Variants in CD59 observed in about 807,000 individuals in gnomAD.
The protein encoded by CD59 is CD59 glycoprotein.
A neutral mutation model predicts 7.0 loss-of-function variants in CD59; 3 were observed. That is an observed-to-expected ratio of 0.43 (90% CI 0.19 to 1.10). The LOEUF (loss-of-function observed/expected upper bound fraction) is 1.10, where lower values mean the gene tolerates loss of function less well. Among genes scored for constraint, CD59 ranks in the 50% least tolerant of loss-of-function variants. The pLI is 0.29. For synonymous variants in CD59, 60 were observed against 62.0 expected (o/e 0.97, Z 0.15); for missense variants, 143 against 151.0 (o/e 0.95, Z 0.28).
At position 33,717,417 on chromosome 11, in the gene CD59, G is replaced by A; in HGVS notation, c.122C>T (p.Ala41Val). 1 of 1,613,630 alleles carries A rather than the reference G, an allele frequency of 6.2e-7. No homozygotes were observed. Among genetic ancestry groups the A allele is most frequent in the East Asian group, 2.2e-5 (1 of 44,872 alleles). The change falls in exon 3 of 4, where the codon GCC becomes GTC. Residue 41 changes from alanine (A) to valine (V), a missense_variant. Ala to Val is a moderately conservative substitution (Grantham distance 64). Transcript: ENST00000642928. ...CPNPTADCKT[A>V]VNCSSDFDAC... Reference sequence around the variant, plus strand: ...ATCAAAATCAGATGAACAATTGACGGCTGTTTTGCAGTCAGCAGTTGGGTT... The same window carrying A: ...ATCAAAATCAGATGAACAATTGACGACTGTTTTGCAGTCAGCAGTTGGGTT...
intron 2 of CD59, 61 bp from the exon 3 acceptor site, chr11:33,717,532 C>T (rs1395044258): frequency 2.0e-5 from 21 of 1,039,690 alleles, no homozygotes; most frequent in Non-Finnish European, 3.0e-5. Flanking sequence ...CCTGGCAGCC[C>T]ACCATCTCCA....
chr11:33,732,193 C>T (rs61887474), intron 1 of CD59, among the ~76,000 whole-genome samples: 17,742 of 151,936 alleles, frequency 0.12, 1,387 homozygotes, highest in Non-Finnish European at 0.16. Context: ...TCTTTATCAG[C>T]AGCATGAAAA....
chr11:33,735,466 G>A (rs1854538547), intron 1 of CD59, among the ~76,000 whole-genome samples: 1 of 152,078 alleles, frequency 6.6e-6, no homozygotes, highest in Non-Finnish European at 1.5e-5. Flanking sequence ...GCGGAGTCTC[G>A]CTCTTATTGC....
rs892657068 is a variant in CD59 at position 33,710,458 on chromosome 11, G to A, written c.170-115C>T. 1.0e-4 allele frequency: 82 copies of A among 811,360 alleles called. 1 individual carries two copies. The highest frequency in any genetic ancestry group is 7.9e-4 in the Middle Eastern group (3 of 3,814). The allele number at this position is 811,360 out of a possible 1,614,324, so 50.3% of individuals were successfully genotyped here. A position where few individuals can be genotyped will look rare whatever the true frequency, so the allele number is the denominator to read the frequency against. On this transcript the variant is annotated intron_variant, in intron 3 of 3. Transcript: ENST00000642928. ...TGTGCAAGTAGAGACTTCTAGGCAA[G>A]ATGCTCATCCCAGGTGGGTTGTAAA...
At position 33,709,090 on chromosome 11, in the gene CD59, C is replaced by A. The variant is rs1251450669; in HGVS notation, c.*1036G>T. ...CATTTTTTAGAAGAGCTTCTGAAAGCCTCAAACATCTGTGAGTGTGCTAAG... is the reference window on the plus strand; with the variant it reads ...CATTTTTTAGAAGAGCTTCTGAAAGACTCAAACATCTGTGAGTGTGCTAAG... On this transcript the variant is annotated 3_prime_UTR_variant, in exon 4 of 4. Coordinates refer to ENST00000642928, the MANE Select transcript of CD59 (RefSeq NM_000611.6). 6.6e-6 allele frequency: 1 copy of A among 152,208 alleles called. No individual in the cohort carries two copies. The highest frequency in any genetic ancestry group is 1.5e-5 in the Non-Finnish European group (1 of 68,034). The allele number at this position is 152,208 out of a possible 1,614,324, so 9.4% of individuals were successfully genotyped here.
intron 1 of CD59, 101 bp from the exon 2 acceptor site, chr11:33,722,564 C>A: frequency 6.5e-7 from 1 of 1,543,802 alleles, no homozygotes; most frequent in South Asian, 1.2e-5. Context: ...CTGAGAGGAA[C>A]ATTTACAGGG....
intron 1 of CD59, chr11:33,731,422 A>G (rs1446010256): frequency 1.3e-5 from 2 of 152,196 alleles, no homozygotes; most frequent in Non-Finnish European, 2.9e-5. Context: ...CAGTATACTT[A>G]CTACTGTGAA....
At chr11:33,726,043 G>T (rs962202263) in intron 1 of CD59, among the ~76,000 whole-genome samples, 1 of 152,292 alleles carries the variant, frequency 6.6e-6, no homozygotes, top group Non-Finnish European at 1.5e-5. Context: ...AGTTCTTAGA[G>T]ACCTACAAAG....
chr11:33,727,335 G>A (rs537236742), intron 1 of CD59, among the ~76,000 whole-genome samples: 2 of 152,208 alleles, frequency 1.3e-5, no homozygotes, highest in African/African-American at 2.4e-5. Context: ...CAATCAAGTC[G>A]GCTTCATCCC....
chr11:33,713,328 G>GA (rs1342421155), intron 3 of CD59, among the ~76,000 whole-genome samples: 2 of 152,234 alleles, frequency 1.3e-5, no homozygotes, highest in South Asian at 4.1e-4. Flanking sequence ...GTGCTGGAAA[G>GA]AAAAAAACGC....
chr11:33,725,297 A>AT (rs1382856027), intron 1 of CD59, among the ~76,000 whole-genome samples: 1 of 151,920 alleles, frequency 6.6e-6, no homozygotes, highest in Non-Finnish European at 1.5e-5. Flanking sequence ...AAAAAAAAAA[A>AT]AAAAAAGAAG....
At chr11:33,720,031 CG>C (rs1853984317) in intron 2 of CD59, among the ~76,000 whole-genome samples, 1 of 152,146 alleles carries the variant, frequency 6.6e-6, no homozygotes, top group African/African-American at 2.4e-5. Flanking sequence ...GGCTAGATCC[CG>C]GGCTCATTTG....
rs1423171721 is a variant in CD59, at chr11:33,703,890, G to T, written c.*6236C>A. ...ATTTAACCGAGGCTGACTCATTGCA[G>T]TTGGCACTAATTTTCCATTGCCACA... On this transcript the variant is annotated 3_prime_UTR_variant, in exon 4 of 4. Coordinates refer to ENST00000642928, the MANE Select transcript of CD59 (RefSeq NM_000611.6). 1 of 152,260 alleles carries T rather than the reference G, an allele frequency of 6.6e-6. No homozygotes were observed. The highest frequency in any genetic ancestry group is 6.5e-5 in the Admixed American group (1 of 15,278). 9.4% of individuals were successfully genotyped at this position (152,260 alleles called of 1,614,324 possible).
At chr11:33,724,108 CCAAA>C (rs997520553) in intron 1 of CD59, among the ~76,000 whole-genome samples, 4 of 152,156 alleles carry the variant, frequency 2.6e-5, no homozygotes, top group Admixed American at 6.5e-5. Context: ...GGTCCTCTCT[CCAAA>C]CAAACAAACA....
rs981639056 is a variant in CD59, at chr11:33,707,497, A to AC, written c.*2628dup. ...TATCTACTCATCAGGTGTTCCTTGCACCCCTAGCTCATCCCCCCAAGGGGA... is the reference window on the plus strand; with the variant it reads ...TATCTACTCATCAGGTGTTCCTTGCACCCCCTAGCTCATCCCCCCAAGGGGA... On this transcript the variant is annotated 3_prime_UTR_variant, in exon 4 of 4. Transcript: ENST00000642928. The AC allele has an allele frequency of 6.6e-6, 1 of 152,228 alleles. No individual in the cohort carries two copies. The highest frequency in any genetic ancestry group is 6.5e-5 in the Admixed American group (1 of 15,288). 9.4% of individuals were successfully genotyped at this position (152,228 alleles called of 1,614,324 possible). A position where few individuals can be genotyped will look rare whatever the true frequency, so the allele number is the denominator to read the frequency against.
chr11:33,722,416 G>A lies in CD59; in HGVS notation c.30C>T (p.Phe10=), dbSNP rs143169907. 736 of 1,614,052 alleles carry A rather than the reference G, an allele frequency of 4.6e-4. 1 individual carries two copies. Among genetic ancestry groups the A allele is most frequent in the Non-Finnish European group, 5.8e-4 (686 of 1,179,930 alleles). MGIQGGSVL[F]GLLLVLAVFC... ...AGACAGCCAGGACGAGCAGCAGCCC[G>A]AACAGGACAGACCCTCCTTGGATTC... The change falls in exon 2 of 4, where the codon TTC becomes TTT. Residue 10 remains phenylalanine, a synonymous_variant. Coordinates refer to ENST00000642928, the MANE Select transcript of CD59 (RefSeq NM_000611.6).
chr11:33,724,833 A>T (rs1300978410), intron 1 of CD59, among the ~76,000 whole-genome samples: 1 of 152,196 alleles, frequency 6.6e-6, no homozygotes, highest in African/African-American at 2.4e-5. Flanking sequence ...CTGCAGGGGA[A>T]GCCAAGACAG....
At position 33,707,512 on chromosome 11, in the gene CD59, C is replaced by T. The variant is rs1853360221; in HGVS notation, c.*2614G>A. ...TGTTCCTTGCACCCCTAGCTCATCCCCCCAAGGGGACAATCCAATGGGCTT... is the reference window on the plus strand; with the variant it reads ...TGTTCCTTGCACCCCTAGCTCATCCTCCCAAGGGGACAATCCAATGGGCTT... On this transcript the variant is annotated 3_prime_UTR_variant, in exon 4 of 4. Transcript: ENST00000642928. 1 of 152,286 alleles carries T rather than the reference C, an allele frequency of 6.6e-6. No homozygotes were observed. Among genetic ancestry groups the T allele is most frequent in the East Asian group, 1.9e-4 (1 of 5,200 alleles). 9.4% of individuals were successfully genotyped at this position (152,286 alleles called of 1,614,324 possible).
chr11:33,720,905 A>G (rs1854030890), intron 2 of CD59, among the ~76,000 whole-genome samples: 1 of 152,228 alleles, frequency 6.6e-6, no homozygotes, highest in Non-Finnish European at 1.5e-5. Context: ...AAGGCCTCTC[A>G]TCTGTGGGCA....
Sources: allele counts gnomAD v4.1 joint callset (sites outside exome capture counted in the v4.1 genomes callset), GRCh38; gene constraint gnomAD v4.1.1; transcripts MANE v1.5; gene names NCBI Gene and HGNC (gene_info 2026-07-23, HGNC 2026-07-21).